CDH10: variants seen among roughly 807,000 people sequenced by gnomAD.
The protein encoded by CDH10 is cadherin-10.
A neutral mutation model predicts 73.1 loss-of-function variants in CDH10; 30 were observed. That is an observed-to-expected ratio of 0.41 (90% CI 0.31 to 0.56). CDH10 has a LOEUF of 0.56. Ranked by LOEUF, CDH10 falls within the 20% of genes least tolerant of loss-of-function variation. The pLI is 0.27. For missense variants in CDH10, 815 were observed against 973.7 expected (o/e 0.84, Z 2.17); for synonymous variants, 345 against 348.2 (o/e 0.99, Z 0.10).
intron 1 of CDH10, among the ~76,000 whole-genome samples, chr5:24,606,649 T>C (rs1746773435): frequency 6.6e-6 from 1 of 152,034 alleles, no homozygotes; most frequent in Admixed American, 6.6e-5. Context: ...AAGATGGCTT[T>C]TATTTAAAAG....
intron 2 of CDH10, among the ~76,000 whole-genome samples, chr5:24,567,889 TTTTC>T (rs1745220292): frequency 6.6e-6 from 1 of 152,158 alleles, no homozygotes; most frequent in Non-Finnish European, 1.5e-5. Context: ...TGTATGCATT[TTTTC>T]TTTCTTTTCC....
rs73743648 is a variant in CDH10 at position 24,588,797 on chromosome 5, C to T, written c.231+4463G>A. On this transcript the variant is annotated intron_variant, in intron 2 of 11. Transcript: ENST00000264463. The stretch of plus-strand genomic sequence containing the variant: ...TCTAGAAATTTTCAATTATAATTTC[C>T]TTATGAGGTATTTCACAGCAAAAAT... Among the ~76,000 whole-genome samples, 1,092 of 152,206 alleles carry T rather than the reference C, an allele frequency of 7.2e-3. 12 individuals are homozygous for T. Among genetic ancestry groups the T allele is most frequent in the African/African-American group, 0.025 (1,019 of 41,538 alleles).
chr5:24,581,113 T>C (rs1314094395), intron 2 of CDH10, among the ~76,000 whole-genome samples: 1 of 152,120 alleles, frequency 6.6e-6, no homozygotes, highest in Non-Finnish European at 1.5e-5. Context: ...TGGGGGCCAT[T>C]ATTTAGTCTA....
At chr5:24,631,858 C>G (rs1747715337) in intron 1 of CDH10, among the ~76,000 whole-genome samples, 1 of 152,000 alleles carries the variant, frequency 6.6e-6, no homozygotes, top group Non-Finnish European at 1.5e-5. Context: ...ATTTGAACCT[C>G]TTCTTTAGTG....
Position 24,542,844 on chromosome 5 carries a change from C to T in CDH10, c.232-5170G>A, listed in dbSNP as rs145532265. ...TCATTGAGGATCTCTTGCTGGAGCA[C>T]TAATGCTATTCATGAGATTTCCACC... On this transcript the variant is annotated intron_variant, in intron 2 of 11. Coordinates refer to ENST00000264463, the MANE Select transcript of CDH10 (RefSeq NM_006727.5). Among the ~76,000 whole-genome samples, 531 of 152,230 alleles carry T rather than the reference C, an allele frequency of 3.5e-3. 5 individuals carry two copies. Among genetic ancestry groups the T allele is most frequent in the African/African-American group, 0.012 (510 of 41,556 alleles).
chr5:24,541,566 G>A (rs917647100), intron 2 of CDH10, among the ~76,000 whole-genome samples: 3 of 151,932 alleles, frequency 2.0e-5, no homozygotes, highest in African/African-American at 7.2e-5. Flanking sequence ...TGGGTCACAC[G>A]CCAAAAAACT....
At chr5:24,499,662 G>A (rs1011338807) in intron 8 of CDH10, 1 of 149,590 alleles carries the variant, frequency 6.7e-6, no homozygotes, top group Admixed American at 6.8e-5. Flanking sequence ...ATTCCAGCAT[G>A]GGTGACAGAA....
chr5:24,624,918 C>T (rs1747443358), intron 1 of CDH10, among the ~76,000 whole-genome samples: 1 of 152,082 alleles, frequency 6.6e-6, no homozygotes, highest in Admixed American at 6.6e-5. Context: ...AAAGAAGCAG[C>T]TTTGTAAAGG....
At chr5:24,593,796 C>A (rs1746281790) in intron 1 of CDH10, among the ~76,000 whole-genome samples, 183 bp from the exon 2 acceptor site, 1 of 151,726 alleles carries the variant, frequency 6.6e-6, no homozygotes. Flanking sequence ...CTACAATGTA[C>A]AAAAATATAA....
chr5:24,626,627 CTAGCTGGCTG>C (rs1475638652), intron 1 of CDH10, among the ~76,000 whole-genome samples: 13 of 151,872 alleles, frequency 8.6e-5, no homozygotes, highest in African/African-American at 3.1e-4. Context: ...AAAATATAAT[CTAGCTGGCTG>C]TACTGGCATA....
intron 2 of CDH10, among the ~76,000 whole-genome samples, chr5:24,567,991 T>C (rs576404796): frequency 1.1e-4 from 16 of 152,168 alleles, no homozygotes; most frequent in Admixed American, 7.8e-4. Context: ...TTAATCATGA[T>C]CAAAACAGGA....
intron 1 of CDH10, among the ~76,000 whole-genome samples, chr5:24,603,092 C>A (rs1746624572): frequency 6.6e-6 from 1 of 152,062 alleles, no homozygotes. Context: ...AATCAGACAG[C>A]CACTAGGGTA....
Position 24,593,539 on chromosome 5 carries a change from T to C in CDH10, c.-49A>G. ...GTGTAGATGAAGAGAAGTGGTCCTA[T>C]TTTACCCAGTTGGTTTTACTGTGTT... is the stretch of plus-strand genomic sequence containing the variant. On this transcript the variant is annotated 5_prime_UTR_variant, in exon 2 of 12. Coordinates refer to ENST00000264463, the MANE Select transcript of CDH10 (RefSeq NM_006727.5). The C allele has an allele frequency of 9.5e-7, 1 of 1,047,894 alleles. No homozygotes were observed. Among genetic ancestry groups the C allele is most frequent in the African/African-American group, 1.6e-5 (1 of 63,076 alleles). The allele number at this position is 1,047,894 out of a possible 1,614,324, so 64.9% of individuals were successfully genotyped here.
intron 2 of CDH10, among the ~76,000 whole-genome samples, chr5:24,583,518 T>C (rs927178914): frequency 3.9e-5 from 6 of 152,216 alleles, no homozygotes; most frequent in African/African-American, 9.6e-5. Context: ...ATAGCTCTAT[T>C]ACATATGCAA....
In CDH10 at chr5:24,535,367, G is replaced by C; in HGVS notation, c.647-88C>G. 5.5e-6 allele frequency: 7 copies of C among 1,281,070 alleles called. No homozygotes were observed. In the South Asian group the frequency reaches 9.3e-5, roughly 17 times the overall value. The allele number at this position is 1,281,070 out of a possible 1,614,324, so 79.4% of individuals were successfully genotyped here. ...GTCCACAAAAAGTATTTTTAAGCTAGTGATTTTTTTGAAAGATACGTTTTG... is the reference window on the plus strand; with the variant it reads ...GTCCACAAAAAGTATTTTTAAGCTACTGATTTTTTTGAAAGATACGTTTTG... On this transcript the variant is annotated intron_variant, in intron 4 of 11. Coordinates refer to ENST00000264463, the MANE Select transcript of CDH10 (RefSeq NM_006727.5).
intron 1 of CDH10, among the ~76,000 whole-genome samples, chr5:24,623,072 G>T (rs10046010): frequency 6.6e-6 from 1 of 151,726 alleles, no homozygotes; most frequent in Non-Finnish European, 1.5e-5. Context: ...CTATGCCTCC[G>T]CCAGAAATGA....
chr5:24,586,876 GC>G (rs1431701893), intron 2 of CDH10, among the ~76,000 whole-genome samples: 2 of 98,438 alleles, frequency 2.0e-5, no homozygotes, highest in Non-Finnish European at 4.1e-5. Context: ...CCGGAGTCTC[GC>G]TCTGTCGCCC....
intron 1 of CDH10, among the ~76,000 whole-genome samples, chr5:24,601,279 CA>C (rs1402073867): frequency 6.6e-6 from 1 of 152,080 alleles, no homozygotes; most frequent in Non-Finnish European, 1.5e-5. Context: ...GTTAATATGA[CA>C]GATAAGGAAA....
At chr5:24,636,626 C>T (rs1505889) in intron 1 of CDH10, among the ~76,000 whole-genome samples, 147,456 of 151,980 alleles carry the variant, frequency 0.97, 71,658 homozygotes, top group East Asian at 1. Context: ...ACACACAATA[C>T]ACCTATATAA....
Sources: allele counts gnomAD v4.1 joint callset (sites outside exome capture counted in the v4.1 genomes callset), GRCh38; gene constraint gnomAD v4.1.1; transcripts MANE v1.5; gene names NCBI Gene and HGNC (gene_info 2026-07-23, HGNC 2026-07-21).